The following GRIN2B variants were observed in gnomAD, a reference collection of about 807,000 sequenced individuals.
GRIN2B encodes the protein glutamate ionotropic receptor NMDA type subunit 2B.
GRIN2B carries 5 observed loss-of-function variants against 114.5 expected under a neutral mutation model. The ratio of observed to expected loss-of-function variants is 0.04; its 90% CI spans 0.02 to 0.09. GRIN2B has a LOEUF of 0.09. GRIN2B is among the 10% of genes least tolerant of loss of function. The probability of loss-of-function intolerance (pLI) is 1.00; values close to 1 mark genes in which losing one functional copy is unlikely to be tolerated. For missense variants in GRIN2B, 1,108 were observed against 1,943.5 expected, an observed-to-expected ratio of 0.57 and a Z score of 8.08; for synonymous variants, 787 against 745.1, an observed-to-expected ratio of 1.06 and a Z score of -0.92.
chr12:13,740,674 A>C (rs1304587708), intron 4 of GRIN2B, among the ~76,000 whole-genome samples: 2 of 152,164 alleles, frequency 1.3e-5, no homozygotes, highest in African/African-American at 2.4e-5. Context: ...ATGCATCTGT[A>C]ATCTCCCTGA....
At chr12:13,727,742 A>T (rs1048532307) in intron 4 of GRIN2B, among the ~76,000 whole-genome samples, 2 of 152,190 alleles carry the variant, frequency 1.3e-5, no homozygotes, top group African/African-American at 4.8e-5. Flanking sequence ...TGATGCTGTG[A>T]TCACTGCTGG....
intron 5 of GRIN2B, among the ~76,000 whole-genome samples, chr12:13,671,342 A>G (rs1950020394): frequency 6.6e-6 from 1 of 152,168 alleles, no homozygotes; most frequent in Non-Finnish European, 1.5e-5. Flanking sequence ...TAGCTGATAA[A>G]TGGCAACATG....
At chr12:13,964,987 A>C (rs376166742) in intron 2 of GRIN2B, among the ~76,000 whole-genome samples, 1 of 152,344 alleles carries the variant, frequency 6.6e-6, no homozygotes, top group East Asian at 1.9e-4. Context: ...TGAGAACCAC[A>C]TAGCATCTTT....
chr12:13,696,872 T>C (rs944193187), intron 4 of GRIN2B, among the ~76,000 whole-genome samples: 2 of 152,018 alleles, frequency 1.3e-5, no homozygotes, highest in Admixed American at 6.6e-5. Flanking sequence ...TTCAAAATTC[T>C]CCCCCACCAA....
At chr12:13,602,885 T>C (rs1381511332) in intron 10 of GRIN2B, among the ~76,000 whole-genome samples, 2 of 152,190 alleles carry the variant, frequency 1.3e-5, no homozygotes, top group Non-Finnish European at 2.9e-5. Flanking sequence ...AGCTGCAAAA[T>C]ATATTTCAGG....
At chr12:13,796,452 A>G (rs529803762) in intron 3 of GRIN2B, among the ~76,000 whole-genome samples, 1 of 152,352 alleles carries the variant, frequency 6.6e-6, no homozygotes, top group Non-Finnish European at 1.5e-5. Flanking sequence ...CACAGGCATG[A>G]TCAACTATAG....
At chr12:13,631,339 G>A (rs1363346913) in intron 5 of GRIN2B, among the ~76,000 whole-genome samples, 1 of 152,152 alleles carries the variant, frequency 6.6e-6, no homozygotes, top group Non-Finnish European at 1.5e-5. Flanking sequence ...TGGGATGTTG[G>A]CACATAAACT....
chr12:13,682,791 G>A (rs1950142849), intron 4 of GRIN2B, among the ~76,000 whole-genome samples: 1 of 152,184 alleles, frequency 6.6e-6, no homozygotes, highest in African/African-American at 2.4e-5. Flanking sequence ...AAGTGGCAAT[G>A]TGTAAATTCA....
intron 5 of GRIN2B, among the ~76,000 whole-genome samples, chr12:13,637,933 A>G (rs2136503977): frequency 6.6e-6 from 1 of 152,282 alleles, no homozygotes; most frequent in East Asian, 1.9e-4. Context: ...GTCTAGGCCA[A>G]AATGCTGTTA....
intron 10 of GRIN2B, among the ~76,000 whole-genome samples, chr12:13,593,710 A>ACAG (rs1949037885): frequency 6.6e-6 from 1 of 152,256 alleles, no homozygotes; most frequent in African/African-American, 2.4e-5. Flanking sequence ...GAGCTTCTGC[A>ACAG]CAGCAAAATA....
chr12:13,589,190 ATTG>A (rs1948971966), intron 10 of GRIN2B, among the ~76,000 whole-genome samples: 1 of 152,240 alleles, frequency 6.6e-6, no homozygotes, highest in South Asian at 2.1e-4. Flanking sequence ...GATTAAGCTA[ATTG>A]TTGTTATATA....
chr12:13,656,077 A>G (rs1356394349), intron 5 of GRIN2B, among the ~76,000 whole-genome samples: 9 of 151,824 alleles, frequency 5.9e-5, no homozygotes. Context: ...CTCTCCACTC[A>G]TCTTCCTCAA....
intron 10 of GRIN2B, among the ~76,000 whole-genome samples, chr12:13,605,796 G>A (rs556204357): frequency 3.4e-4 from 52 of 152,142 alleles, no homozygotes; most frequent in Non-Finnish European, 7.1e-4. Context: ...CGTGGCCCAT[G>A]AGGGTAAGAG....
chr12:13,658,840 A>G (rs1013815547), intron 5 of GRIN2B, among the ~76,000 whole-genome samples: 1 of 150,950 alleles, frequency 6.6e-6, no homozygotes, highest in African/African-American at 2.4e-5. Flanking sequence ...GTCAGGCTTC[A>G]TCCCCTCCTC....
intron 3 of GRIN2B, among the ~76,000 whole-genome samples, chr12:13,855,079 G>T (rs57067756): frequency 9.4e-6 from 1 of 106,322 alleles, no homozygotes; most frequent in African/African-American, 3.4e-5. Flanking sequence ...ATTGCCTGGC[G>T]TGGTGGTGCA....
chr12:13,740,691 G>A (rs749350470), intron 4 of GRIN2B, among the ~76,000 whole-genome samples: 1 of 152,158 alleles, frequency 6.6e-6, no homozygotes, highest in Non-Finnish European at 1.5e-5. Flanking sequence ...CTGAACCTTG[G>A]CAGGTTGTAG....
intron 3 of GRIN2B, among the ~76,000 whole-genome samples, chr12:13,781,431 T>C (rs1178168276): frequency 6.6e-6 from 1 of 152,202 alleles, no homozygotes; most frequent in Non-Finnish European, 1.5e-5. Context: ...AAAGATAGCA[T>C]ACCAAACAAG....
At chr12:13,812,142 T>G (rs1017440918) in intron 3 of GRIN2B, among the ~76,000 whole-genome samples, 1 of 152,110 alleles carries the variant, frequency 6.6e-6, no homozygotes, top group Non-Finnish European at 1.5e-5. Flanking sequence ...AATCAACCCC[T>G]CCAACCTCCA....
At chr12:13,588,615 G>T (rs1200845926) in intron 10 of GRIN2B, among the ~76,000 whole-genome samples, 1 of 152,106 alleles carries the variant, frequency 6.6e-6, no homozygotes, top group African/African-American at 2.4e-5. Flanking sequence ...GAACTAGAAG[G>T]GACAGGAACA....
Sources: allele counts gnomAD v4.1 joint callset (sites outside exome capture counted in the v4.1 genomes callset), GRCh38; gene constraint gnomAD v4.1.1; transcripts MANE v1.5; gene names NCBI Gene and HGNC (gene_info 2026-07-23, HGNC 2026-07-21).